The following POLR1H variants were observed in gnomAD, a reference collection of about 807,000 sequenced individuals.
POLR1H encodes the protein RNA polymerase I subunit H.
In POLR1H, 5 loss-of-function variants were observed where a neutral mutation model predicts 15.8. The ratio of observed to expected loss-of-function variants is 0.32; its 90% CI spans 0.17 to 0.67. POLR1H has a LOEUF of 0.67. Among genes scored for constraint, POLR1H ranks in the 30% least tolerant of loss-of-function variants. The probability of loss-of-function intolerance (pLI) is 0.74; values close to 1 mark genes in which losing one functional copy is unlikely to be tolerated. For missense variants in POLR1H, 100 were observed against 163.4 expected (o/e 0.61, Z 2.11); for synonymous variants, 43 against 58.3 (o/e 0.74, Z 1.20).
Position 30,061,709 on chromosome 6 carries a change from G to A in POLR1H, c.145+40G>A, listed in dbSNP as rs372723314. ...CGCAGGGGTCCTGGCGGAGGGCGCA[G>A]GGTCGGAAGCTTGGGGAACTCAAGA... On this transcript the variant is annotated intron_variant, in intron 1 of 3. Transcript: ENST00000332435. The surrounding 1 kb of genome is among the most constrained non-coding windows in gnomAD (Gnocchi z 5.0). 145 of 1,610,802 alleles carry A rather than the reference G, an allele frequency of 9.0e-5. No homozygotes were observed. The African/African-American group carries it at 1.6e-3, about 17-fold the overall frequency.
rs370150429 is a variant in POLR1H at position 30,061,908 on chromosome 6, C to T, written c.146-9C>T. 2.9e-4 allele frequency: 462 copies of T among 1,612,692 alleles called. 38 individuals are homozygous for T. The highest frequency in any genetic ancestry group is 2.0e-3 in the East Asian group (91 of 44,890). On this transcript the variant is annotated splice_polypyrimidine_tract_variant and intron_variant, in intron 1 of 3. Coordinates refer to ENST00000332435, the MANE Select transcript of POLR1H (RefSeq NM_170783.4). The surrounding 1 kb of genome is among the most constrained non-coding windows in gnomAD (Gnocchi z 5.0). ...TGTCTCCATAACCAGTTCTTACTTG[C>T]CTGTGCAGACTTTGAGGGGAAGGTT...
intron 3 of POLR1H, 133 bp downstream of exon 3, chr6:30,062,466 G>T: frequency 1.9e-6 from 1 of 539,982 alleles, no homozygotes; most frequent in East Asian, 3.0e-5. Context: ...GTAATAGGGA[G>T]ATTTGTAGTT....
rs1765147788 is a variant in POLR1H, at chr6:30,062,293, G to T, written c.316G>T (p.Asp106Tyr). 1.9e-6 allele frequency: 3 copies of T among 1,613,008 alleles called. No individual in the cohort carries two copies. The highest frequency in any genetic ancestry group is 2.5e-6 in the Non-Finnish European group (3 of 1,179,982). ...AYHTRQMRSA[D>Y]EGQTVFYTCT... ...CCACACCAGACAGATGCGTTCAGCC[G>T]ATGAAGGGCAAACTGTCTTCTACAC... Residue 106 changes from aspartate to tyrosine, a missense_variant, in exon 3 of 4, where the codon GAT becomes TAT. Coordinates refer to ENST00000332435, the MANE Select transcript of POLR1H (RefSeq NM_170783.4).
At position 30,061,630 on chromosome 6, in the gene POLR1H, G is replaced by A. The variant is rs777611609; in HGVS notation, c.106G>A (p.Val36Ile). ...VLPLPGAQDT[V>I]TCIRCGFNIN... is the part of the protein sequence containing the mutation. ...GCCTCTGCCCGGGGCTCAGGATACG[G>A]TCACCTGTATTCGCTGTGGCTTCAA... The change falls in exon 1 of 4, where the codon GTC becomes ATC. Residue 36 changes from valine (V) to isoleucine (I), a missense_variant. Coordinates refer to ENST00000332435, the MANE Select transcript of POLR1H (RefSeq NM_170783.4). This position sits in a 1 kb window ranked among gnomAD's most constrained non-coding sequence, Gnocchi z 5.0. 1 of 1,612,958 alleles carries A rather than the reference G, an allele frequency of 6.2e-7. No individual in the cohort carries two copies.
rs928726468 is a variant in POLR1H at position 30,063,436 on chromosome 6, A to G, written c.356+1103A>G. ...TACTATTGTTATTATTTTGAGTTCT[A>G]TTTAATTACTTTTCAAATCTCCTTA... On this transcript the variant is annotated intron_variant, in intron 3 of 3. Transcript: ENST00000332435. The surrounding 1 kb of genome is among the most constrained non-coding windows in gnomAD (Gnocchi z 4.1). Among the ~76,000 whole-genome samples, 1 of 151,660 alleles carries G rather than the reference A, an allele frequency of 6.6e-6. No homozygotes were observed. The highest frequency in any genetic ancestry group is 1.5e-5 in the Non-Finnish European group (1 of 67,888).
Position 30,063,044 on chromosome 6 carries a change from A to G in POLR1H, c.356+711A>G, listed in dbSNP as rs1561964458. 6.6e-6 allele frequency among the ~76,000 whole-genome samples: 1 copy of G among 152,118 alleles called. No individual in the cohort carries two copies. On this transcript the variant is annotated intron_variant, in intron 3 of 3. Transcript: ENST00000332435. The surrounding 1 kb of genome is among the most constrained non-coding windows in gnomAD (Gnocchi z 4.1). Reference sequence around the variant, plus strand: ...AACATGGGCTTTCTGAATGCTTTTAAGACCTCATTTTTGTCTTTGGTGTTC... The same window carrying G: ...AACATGGGCTTTCTGAATGCTTTTAGGACCTCATTTTTGTCTTTGGTGTTC...
At chr6:30,060,087 T>C (rs1039379351), upstream of POLR1H, 1 of 152,248 alleles carries the variant, frequency 6.6e-6, no homozygotes, top group Non-Finnish European at 1.5e-5. Flanking sequence ...AGTTAAATGA[T>C]AGGGCTTGTC....
chr6:30,062,184 G>A (rs373543360), intron 2 of POLR1H, 40 bp from the exon 3 acceptor site: 2 of 1,532,158 alleles, frequency 1.3e-6, no homozygotes, highest in African/African-American at 2.7e-5. Flanking sequence ...GAAGTAAGGG[G>A]ATATGACCAG....
In POLR1H at chr6:30,063,237, G is replaced by T. The variant is rs1765258696; in HGVS notation, c.356+904G>T. 6.6e-6 allele frequency among the ~76,000 whole-genome samples: 1 copy of T among 151,652 alleles called. No homozygotes were observed. The highest frequency in any genetic ancestry group is 1.5e-5 in the Non-Finnish European group (1 of 67,938). ...CCATGTTCTCAGTCCTCACATTCTG[G>T]ACCTCGAATTAGTTACTAGAAAGAG... On this transcript the variant is annotated intron_variant, in intron 3 of 3. Coordinates refer to ENST00000332435, the MANE Select transcript of POLR1H (RefSeq NM_170783.4). The surrounding 1 kb of genome is among the most constrained non-coding windows in gnomAD (Gnocchi z 4.1).
In POLR1H at chr6:30,061,810, G is replaced by T. The variant is rs1023252741; in HGVS notation, c.146-107G>T. 14 of 1,551,158 alleles carry T rather than the reference G, an allele frequency of 9.0e-6. No individual in the cohort carries two copies. In the Admixed American group the frequency reaches 2.1e-4, roughly 23 times the overall value. Reference sequence around the variant, plus strand: ...ATTTGGTCTAGCGATGAAAACTGAGGGAAAGGATGTAGGGCCTCCTGGCCT... The same window carrying T: ...ATTTGGTCTAGCGATGAAAACTGAGTGAAAGGATGTAGGGCCTCCTGGCCT... On this transcript the variant is annotated intron_variant, in intron 1 of 3. Transcript: ENST00000332435. The surrounding 1 kb of genome is among the most constrained non-coding windows in gnomAD (Gnocchi z 5.0).
intron 2 of POLR1H, 30 bp from the exon 3 acceptor site, chr6:30,062,194 G>A: frequency 6.4e-7 from 1 of 1,568,994 alleles, no homozygotes; most frequent in Non-Finnish European, 8.8e-7. Context: ...GATATGACCA[G>A]GCCTCCCTAA....
intron 3 of POLR1H, among the ~76,000 whole-genome samples, chr6:30,062,772 A>G (rs1159602222): frequency 1.1e-5 from 1 of 91,880 alleles, no homozygotes; most frequent in Non-Finnish European, 2.0e-5. Flanking sequence ...GGGTTTCTCT[A>G]TGTTTCCCAG....
chr6:30,062,070 G>C, intron 2 of POLR1H, 53 bp downstream of exon 2: 1 of 1,549,336 alleles, frequency 6.5e-7, no homozygotes, highest in Non-Finnish European at 8.9e-7. Context: ...GAAAGAAATG[G>C]AGGAGTGATT....
chr6:30,061,447 A>C lies in POLR1H; in HGVS notation c.-78A>C. 6.5e-7 allele frequency: 1 copy of C among 1,543,656 alleles called. No individual in the cohort carries two copies. The highest frequency in any genetic ancestry group is 8.9e-7 in the Non-Finnish European group (1 of 1,128,920). ...TATATACTCCTAGGTCCTGGGACAGAATAGTTACGACCTCTGGGACAGGAA... is the reference window on the plus strand; with the variant it reads ...TATATACTCCTAGGTCCTGGGACAGCATAGTTACGACCTCTGGGACAGGAA... On this transcript the variant is annotated 5_prime_UTR_variant, in exon 1 of 4. Transcript: ENST00000332435. The surrounding 1 kb of genome is among the most constrained non-coding windows in gnomAD (Gnocchi z 5.0).
chr6:30,064,305 A>AT (rs199991816), intron 3 of POLR1H, among the ~76,000 whole-genome samples: 3 of 150,996 alleles, frequency 2.0e-5, no homozygotes, highest in African/African-American at 7.3e-5. Context: ...AAAAAAAAAA[A>AT]TTTTTTTTAA....
At position 30,061,436 on chromosome 6, in the gene POLR1H, T is replaced by C. The variant is rs1442595626; in HGVS notation, c.-89T>C. On this transcript the variant is annotated 5_prime_UTR_variant, in exon 1 of 4. Transcript: ENST00000332435. This position sits in a 1 kb window ranked among gnomAD's most constrained non-coding sequence, Gnocchi z 5.0. ...AGGGTTCGGGTTATATACTCCTAGG[T>C]CCTGGGACAGAATAGTTACGACCTC... is the stretch of plus-strand genomic sequence containing the variant. The C allele has an allele frequency of 6.7e-7, 1 of 1,496,718 alleles. No individual in the cohort carries two copies. The highest frequency in any genetic ancestry group is 9.2e-7 in the Non-Finnish European group (1 of 1,092,378). 92.7% of individuals were successfully genotyped at this position (1,496,718 alleles called of 1,614,324 possible). A position where few individuals can be genotyped will look rare whatever the true frequency, so the allele number is the denominator to read the frequency against.
In POLR1H at chr6:30,061,946, G is replaced by A; in HGVS notation, c.175G>A (p.Val59Ile). 3.1e-6 allele frequency: 5 copies of A among 1,613,116 alleles called. No homozygotes were observed. Among genetic ancestry groups the A allele is most frequent in the Non-Finnish European group, 4.2e-6 (5 of 1,180,026 alleles). The change falls in exon 2 of 4, where the codon GTT (valine) becomes ATT (isoleucine). Residue 59 changes from valine to isoleucine, a missense_variant. Val to Ile is a conservative substitution (Grantham distance 29). This residue lies in a region of POLR1H where 87 missense variants were observed against 119.8 expected (regional missense o/e 0.73). Coordinates refer to ENST00000332435, the MANE Select transcript of POLR1H (RefSeq NM_170783.4). The surrounding 1 kb of genome is among the most constrained non-coding windows in gnomAD (Gnocchi z 5.0). Reference sequence around the variant, plus strand: ...TGAGGGGAAGGTTGTGAAGACTTCGGTTGTGTTCCACCAACTGGGGACAGC... The same window carrying A: ...TGAGGGGAAGGTTGTGAAGACTTCGATTGTGTTCCACCAACTGGGGACAGC... ...DFEGKVVKTS[V>I]VFHQLGTAMP...
intron 3 of POLR1H, among the ~76,000 whole-genome samples, chr6:30,064,426 C>A (rs1350942639): frequency 7.1e-6 from 1 of 141,120 alleles, no homozygotes; most frequent in African/African-American, 2.6e-5. Context: ...TTTTTTTTTT[C>A]TTTTACAGCT....
intron 3 of POLR1H, 67 bp from the exon 4 acceptor site, chr6:30,064,606 T>A (rs1016359958): frequency 9.1e-6 from 13 of 1,430,830 alleles, no homozygotes; most frequent in Non-Finnish European, 1.2e-5. Flanking sequence ...TTTGATTGCA[T>A]ATCTTATCTT....
Sources: gnomAD v4.1 joint callset for allele counts (sites outside exome capture counted in the v4.1 genomes callset) on GRCh38, gnomAD v4.1.1 for gene constraint, gnomAD v4.1.1 regional missense constraint, Gnocchi (gnomAD v3.1) non-coding constraint, MANE v1.5 for transcripts, NCBI Gene and HGNC (gene_info 2026-07-23, HGNC 2026-07-21) for gene names.